The following CDH12 variants were observed in gnomAD, a reference collection of about 807,000 sequenced individuals.
The protein encoded by CDH12 is cadherin 12.
CDH12 carries 41 observed loss-of-function variants against 74.1 expected under a neutral mutation model. The observed-to-expected ratio is 0.55, with a 90% CI of 0.43 to 0.72. The LOEUF (loss-of-function observed/expected upper bound fraction) is 0.72, where lower values mean the gene tolerates loss of function less well. Ranked by LOEUF, CDH12 falls within the 30% of genes least tolerant of loss-of-function variation. The pLI is 0.00. For missense variants in CDH12, 945 were observed against 977.2 expected, an observed-to-expected ratio of 0.97 and a Z score of 0.44; for synonymous variants, 399 against 355.0, an observed-to-expected ratio of 1.12 and a Z score of -1.39.
At chr5:21,935,449 C>T (rs891534256) in intron 6 of CDH12, among the ~76,000 whole-genome samples, 1 of 151,996 alleles carries the variant, frequency 6.6e-6, no homozygotes, top group African/African-American at 2.4e-5. Context: ...TAACATTTCC[C>T]TCTTTTTTAT....
chr5:21,833,143 T>TA (rs1183102679), intron 8 of CDH12, among the ~76,000 whole-genome samples: 2 of 29,202 alleles, frequency 6.8e-5, no homozygotes, highest in Non-Finnish European at 9.0e-5. Context: ...TAAATATATA[T>TA]TATATAACAT....
intron 3 of CDH12, among the ~76,000 whole-genome samples, chr5:22,247,813 T>C (rs1301629222): frequency 1.3e-5 from 2 of 152,194 alleles, no homozygotes; most frequent in Non-Finnish European, 2.9e-5. Context: ...TGAATAGTTA[T>C]AAGGAGCAAA....
chr5:22,486,296 C>A (rs961696798), intron 2 of CDH12, among the ~76,000 whole-genome samples: 3 of 152,054 alleles, frequency 2.0e-5, no homozygotes, highest in Non-Finnish European at 2.9e-5. Context: ...AAGTCACCAC[C>A]CACTAACTAA....
chr5:21,845,848 A>T (rs962091456), intron 7 of CDH12, among the ~76,000 whole-genome samples: 2 of 152,072 alleles, frequency 1.3e-5, no homozygotes, highest in Non-Finnish European at 2.9e-5. Flanking sequence ...CCTTGGTAAA[A>T]TTTCCCTTTT....
intron 1 of CDH12, among the ~76,000 whole-genome samples, chr5:22,644,964 C>A (rs1321068758): frequency 6.6e-6 from 1 of 151,960 alleles, no homozygotes; most frequent in Non-Finnish European, 1.5e-5. Flanking sequence ...ATTTTAAGCC[C>A]ATTGTTGAGA....
rs184686670 is a variant in CDH12, at chr5:22,007,691, A to G, written c.232-32306T>C. Among the ~76,000 whole-genome samples, 17 of 152,326 alleles carry G rather than the reference A, an allele frequency of 1.1e-4. 1 individual carries two copies. Among genetic ancestry groups the G allele is most frequent in the Admixed American group, 1.1e-3 (17 of 15,306 alleles). ...AAATGTATAGAGATGCAAACCGAAA[A>G]TAACAGGGACTAAACCTTCTCCCCA... On this transcript the variant is annotated intron_variant, in intron 5 of 14. Coordinates refer to ENST00000382254, the MANE Select transcript of CDH12 (RefSeq NM_004061.5).
chr5:22,443,965 A>G (rs1376614873), intron 2 of CDH12, among the ~76,000 whole-genome samples: 1 of 152,088 alleles, frequency 6.6e-6, no homozygotes, highest in African/African-American at 2.4e-5. Context: ...GCGTACAAGG[A>G]AGAAAGAAGG....
intron 1 of CDH12, among the ~76,000 whole-genome samples, chr5:22,695,213 C>T (rs1233629920): frequency 6.6e-6 from 1 of 151,952 alleles, no homozygotes; most frequent in African/African-American, 2.4e-5. Flanking sequence ...TGTATATGTG[C>T]CACATTTATT....
At chr5:21,929,535 G>T (rs942824799) in intron 6 of CDH12, among the ~76,000 whole-genome samples, 12 of 151,996 alleles carry the variant, frequency 7.9e-5, no homozygotes, top group South Asian at 6.2e-4. Flanking sequence ...GGTAATGCAA[G>T]TTACCAGGGT....
intron 5 of CDH12, among the ~76,000 whole-genome samples, chr5:22,072,167 G>T (rs1398676821): frequency 6.6e-6 from 1 of 151,930 alleles, no homozygotes; most frequent in East Asian, 1.9e-4. Flanking sequence ...TTCTAGAATT[G>T]CAATTCCATT....
At chr5:22,386,133 C>T (rs1445866458) in intron 3 of CDH12, among the ~76,000 whole-genome samples, 3 of 152,220 alleles carry the variant, frequency 2.0e-5, no homozygotes, top group Non-Finnish European at 4.4e-5. Flanking sequence ...CTCAGGTGAC[C>T]TGCCTGCCTT....
chr5:22,476,149 A>G (rs1746159830), intron 2 of CDH12, among the ~76,000 whole-genome samples: 1 of 152,038 alleles, frequency 6.6e-6, no homozygotes, highest in South Asian at 2.1e-4. Flanking sequence ...ACTATCAGCT[A>G]TCTACTTACC....
chr5:22,461,231 C>A (rs185698691), intron 2 of CDH12, among the ~76,000 whole-genome samples: 2 of 151,288 alleles, frequency 1.3e-5, no homozygotes, highest in South Asian at 2.1e-4. Flanking sequence ...TTTCACCATG[C>A]TGGCCAGGGT....
Position 21,842,511 on chromosome 5 carries a change from T to C in CDH12, c.647-183A>G, listed in dbSNP as rs967051781. ...CCAATGGTTAGGACATAATTTAAAATATTATAGTAGCTACACAACAAAATG... is the reference window on the plus strand; with the variant it reads ...CCAATGGTTAGGACATAATTTAAAACATTATAGTAGCTACACAACAAAATG... On this transcript the variant is annotated intron_variant, in intron 7 of 14. Transcript: ENST00000382254. Among the ~76,000 whole-genome samples, 25 of 152,146 alleles carry C rather than the reference T, an allele frequency of 1.6e-4. 1 individual carries two copies. The highest frequency in any genetic ancestry group is 5.6e-4 in the African/African-American group (23 of 41,434).
chr5:22,301,959 G>C (rs939894754), intron 3 of CDH12, among the ~76,000 whole-genome samples: 10 of 151,348 alleles, frequency 6.6e-5, no homozygotes, highest in Non-Finnish European at 1.5e-4. Flanking sequence ...GTGAACCACT[G>C]CTCCCAGCCC....
At chr5:22,709,397 G>A (rs879302480) in intron 1 of CDH12, among the ~76,000 whole-genome samples, 3 of 152,110 alleles carry the variant, frequency 2.0e-5, no homozygotes, top group Admixed American at 6.6e-5. Flanking sequence ...GGGAGCAATT[G>A]AGCCATCCTT....
At chr5:21,785,221 C>T (rs188437635) in intron 10 of CDH12, among the ~76,000 whole-genome samples, 329 of 152,216 alleles carry the variant, frequency 2.2e-3, no homozygotes, top group Non-Finnish European at 3.5e-3. Flanking sequence ...AATCAATCAA[C>T]GTTGTGTGTC....
chr5:22,666,281 T>C (rs997273298), intron 1 of CDH12, among the ~76,000 whole-genome samples: 12 of 82,738 alleles, frequency 1.5e-4, no homozygotes, highest in Non-Finnish European at 2.6e-4. Context: ...TATCTCTCTA[T>C]CTTTTTTTTT....
rs114396426 is a variant in CDH12 at position 22,072,048 on chromosome 5, G to T, written c.231+6398C>A. The stretch of plus-strand genomic sequence containing the variant: ...ACTCTAATTTCCCATTTCCTTCATT[G>T]TACTTCCTACACAAGCCTATTGTAA... On this transcript the variant is annotated intron_variant, in intron 5 of 14. Coordinates refer to ENST00000382254, the MANE Select transcript of CDH12 (RefSeq NM_004061.5). Among the ~76,000 whole-genome samples the T allele has an allele frequency of 5.8e-3, 872 of 151,492 alleles. 8 individuals carry two copies. Among genetic ancestry groups the T allele is most frequent in the African/African-American group, 0.02 (835 of 41,292 alleles).
Sources: gnomAD v4.1 joint callset for allele counts (sites outside exome capture counted in the v4.1 genomes callset) on GRCh38, gnomAD v4.1.1 for gene constraint, MANE v1.5 for transcripts, NCBI Gene and HGNC (gene_info 2026-07-23, HGNC 2026-07-21) for gene names.